The following PNN variants were observed in gnomAD, a reference collection of about 807,000 sequenced individuals.
The protein encoded by PNN is pinin.
In PNN, 38 loss-of-function variants were observed where a neutral mutation model predicts 76.6. That is an observed-to-expected ratio of 0.50 (90% CI 0.38 to 0.65). The LOEUF (loss-of-function observed/expected upper bound fraction) is 0.65, where lower values mean the gene tolerates loss of function less well. Among genes scored for constraint, PNN ranks in the 30% least tolerant of loss-of-function variants. PNN has a pLI of 0.00. For synonymous variants in PNN, 366 were observed against 283.7 expected (o/e 1.29, Z -2.91); for missense variants, 873 against 874.1 (o/e 1.00, Z 0.02).
At position 39,182,053 on chromosome 14, in the gene PNN, T is replaced by C; in HGVS notation, c.*190T>C. The C allele has an allele frequency of 5.9e-6, 3 of 509,032 alleles. No individual in the cohort carries two copies. Among genetic ancestry groups the C allele is most frequent in the African/African-American group, 1.9e-5 (1 of 51,454 alleles). The allele number at this position is 509,032 out of a possible 1,614,324, so 31.5% of individuals were successfully genotyped here. Reference sequence around the variant, plus strand: ...TGCATAATTTTGTAAGAGTTATTTATCAAAATTATGTGAGGTTCCAAAATA... The same window carrying C: ...TGCATAATTTTGTAAGAGTTATTTACCAAAATTATGTGAGGTTCCAAAATA... On this transcript the variant is annotated 3_prime_UTR_variant, in exon 9 of 9. Transcript: ENST00000216832.
chr14:39,178,388 G>A (rs970631578), intron 6 of PNN, among the ~76,000 whole-genome samples: 1 of 151,892 alleles, frequency 6.6e-6, no homozygotes, highest in African/African-American at 2.4e-5. Flanking sequence ...AAAATTAGCC[G>A]CCTGTGGTGG....
At chr14:39,180,204 T>C (rs2139403416) in intron 8 of PNN, among the ~76,000 whole-genome samples, 1 of 152,338 alleles carries the variant, frequency 6.6e-6, no homozygotes, top group East Asian at 1.9e-4. Flanking sequence ...ATGCCAAAAC[T>C]GGTTCTGTTT....
chr14:39,175,532 T>A (rs2053213362), intron 1 of PNN, 140 bp downstream of exon 1: 3 of 668,304 alleles, frequency 4.5e-6, no homozygotes, highest in African/African-American at 1.8e-5. Context: ...GGTAAAACCC[T>A]GTTGTCGCCG....
In PNN at chr14:39,181,205, C is replaced by T; in HGVS notation, c.1496C>T (p.Pro499Leu). ...QSQPVLQSQP[P>L]SQPEDLSLAV... ...CAACCAGTACTCCAGTCCCAGCCTC[C>T]CTCTCAGCCTGAGGATTTGTCATTA... Residue 499 changes from proline (P) to leucine (L), a missense_variant, in exon 9 of 9, where the codon CCC (proline) becomes CTC (leucine). Pro to Leu is a moderately conservative substitution (Grantham distance 98). Around this residue, in one of 3 missense-constraint regions of PNN, gnomAD observed 712 missense variants for 693.1 expected, o/e 1.03. Transcript: ENST00000216832. The T allele has an allele frequency of 1.2e-6, 2 of 1,613,408 alleles. No homozygotes were observed. The highest frequency in any genetic ancestry group is 1.7e-6 in the Non-Finnish European group (2 of 1,179,322).
chr14:39,181,688 T>G lies in PNN; in HGVS notation c.1979T>G (p.Leu660Arg). The G allele has an allele frequency of 6.2e-7, 1 of 1,613,936 alleles. No homozygotes were observed. Among genetic ancestry groups the G allele is most frequent in the South Asian group, 1.1e-5 (1 of 91,072 alleles). ...CGGAAGAGAAGGGATACTTCAGGAC[T>G]AGAAAGAAGTCACAAATCTTCAAAA... ...VDRKRRDTSG[L>R]ERSHKSSKGG... The change falls in exon 9 of 9, where the codon CTA (leucine) becomes CGA (arginine). Residue 660 changes from leucine to arginine, a missense_variant. Physicochemically the swap from Leu to Arg is moderately radical, Grantham distance 102. This residue lies in a region of PNN where 712 missense variants were observed against 693.1 expected (regional missense o/e 1.03). Transcript: ENST00000216832.
chr14:39,181,511 G>A lies in PNN; in HGVS notation c.1802G>A (p.Ser601Asn). ...GGAAGTAGTTCCAGCAGTGGAAGTA[G>A]TAGCAGTCGCAGTAGTTCCAGTAGC... ...SSGSSSSSGSSSSRSSSSSSS... is the reference protein window; with the variant it reads ...SSGSSSSSGSNSSRSSSSSSS... Residue 601 changes from serine (S) to asparagine (N), a missense_variant, in exon 9 of 9, where the codon AGT becomes AAT. Ser to Asn is a conservative substitution (Grantham distance 46, BLOSUM62 1). This residue lies in a region of PNN where 712 missense variants were observed against 693.1 expected (regional missense o/e 1.03). Coordinates refer to ENST00000216832, the MANE Select transcript of PNN (RefSeq NM_002687.4). 6.2e-7 allele frequency: 1 copy of A among 1,600,176 alleles called. No homozygotes were observed. The highest frequency in any genetic ancestry group is 8.5e-7 in the Non-Finnish European group (1 of 1,173,362).
At chr14:39,177,540 A>G (rs749261425) in intron 4 of PNN, 53 bp from the exon 5 acceptor site, 4 of 1,591,312 alleles carry the variant, frequency 2.5e-6, no homozygotes, top group Non-Finnish European at 3.5e-6. Context: ...ACTACATTTA[A>G]AAGCACACCA....
Position 39,183,193 on chromosome 14 carries a change from G to A in PNN, c.*1330G>A, listed in dbSNP as rs1030286036. On this transcript the variant is annotated 3_prime_UTR_variant, in exon 9 of 9. Transcript: ENST00000216832. ...TCTCTTTTTAAAAATCCTTTTATTG[G>A]AGTAATTATTAAAACAGTAAATGCA... is the stretch of plus-strand genomic sequence containing the variant. 1 of 152,140 alleles carries A rather than the reference G, an allele frequency of 6.6e-6. No individual in the cohort carries two copies. Among genetic ancestry groups the A allele is most frequent in the African/African-American group, 2.4e-5 (1 of 41,414 alleles). The allele number at this position is 152,140 out of a possible 1,614,324, so 9.4% of individuals were successfully genotyped here.
chr14:39,179,431 A>G lies in PNN; in HGVS notation c.762A>G (p.Lys254=). The G allele has an allele frequency of 1.2e-6, 2 of 1,613,164 alleles. No individual in the cohort carries two copies. Among genetic ancestry groups the G allele is most frequent in the Non-Finnish European group, 8.5e-7 (1 of 1,179,492 alleles). Residue 254 remains lysine, a synonymous_variant, in exon 8 of 9, where the codon AAA becomes AAG. Transcript: ENST00000216832. ...IPGRMCPATQ[K]LIEESQRKMN... Reference sequence around the variant, plus strand: ...GAAGAATGTGTCCAGCTACCCAAAAACTAATAGAAGAGTCACAGAGAAAAA... The same window carrying G: ...GAAGAATGTGTCCAGCTACCCAAAAGCTAATAGAAGAGTCACAGAGAAAAA...
At chr14:39,178,016 C>G (rs1566557835) in intron 6 of PNN, 100 bp downstream of exon 6, 6 of 791,598 alleles carry the variant, frequency 7.6e-6, no homozygotes, top group South Asian at 3.2e-5. Flanking sequence ...TAAGACCTAA[C>G]TGTAAACCTG....
Position 39,177,418 on chromosome 14 carries a change from C to T in PNN, c.261C>T (p.Gly87=), listed in dbSNP as rs757822932. 6 of 1,611,704 alleles carry T rather than the reference C, an allele frequency of 3.7e-6. No homozygotes were observed. Among genetic ancestry groups the T allele is most frequent in the South Asian group, 2.2e-5 (2 of 90,966 alleles). Residue 87 remains glycine (G), a synonymous_variant, in exon 4 of 9, where the codon GGC becomes GGT. Transcript: ENST00000216832. ...RDLEGAVSRL[G]GERRTRRESR... is the part of the protein sequence containing the mutation. ...TTAATATTTTCTATGACAGGCTGGG[C>T]GGGGAGCGTCGGACCAGAAGAGAAT...
At chr14:39,175,729 G>T (rs1367843871) in intron 1 of PNN, 3 of 463,630 alleles carry the variant, frequency 6.5e-6, no homozygotes, top group Non-Finnish European at 1.1e-5. Context: ...GCGGACACCC[G>T]GCCCGTTGCT....
intron 6 of PNN, among the ~76,000 whole-genome samples, chr14:39,178,249 C>T (rs1329667654): frequency 6.6e-6 from 1 of 152,170 alleles, no homozygotes; most frequent in East Asian, 1.9e-4. Context: ...TGTGAAGCGG[C>T]CAGGTGCAGT....
At chr14:39,178,268 C>T (rs937705339) in intron 6 of PNN, among the ~76,000 whole-genome samples, 2 of 152,204 alleles carry the variant, frequency 1.3e-5, no homozygotes, top group African/African-American at 4.8e-5. Context: ...GTGGCTCATG[C>T]CTGTAATCCC....
In PNN at chr14:39,179,461, C is replaced by T. The variant is rs760491671; in HGVS notation, c.792C>T (p.Asn264=). 48 of 1,610,414 alleles carry T rather than the reference C, an allele frequency of 3.0e-5. No individual in the cohort carries two copies. The highest frequency in any genetic ancestry group is 9.9e-5 in the South Asian group (9 of 90,772). Reference sequence around the variant, plus strand: ...TAGAAGAGTCACAGAGAAAAATGAACGGTAAGTATGCGAAGAGGTCCATTG... The same window carrying T: ...TAGAAGAGTCACAGAGAAAAATGAATGGTAAGTATGCGAAGAGGTCCATTG... ...KLIEESQRKM[N]ALFEGRRIEF... Residue 264 remains asparagine (N), a splice_region_variant and synonymous_variant, in exon 8 of 9, where the codon AAC becomes AAT. Transcript: ENST00000216832.
At position 39,177,628 on chromosome 14, in the gene PNN, A is replaced by G. The variant is rs1377906355; in HGVS notation, c.363A>G (p.Lys121=). The change falls in exon 5 of 9, where the codon AAA becomes AAG. Residue 121 remains lysine, a synonymous_variant. Coordinates refer to ENST00000216832, the MANE Select transcript of PNN (RefSeq NM_002687.4). ...ALQSSVVATS[K]ERTRRDLIQD... is the part of the protein sequence containing the mutation. ...AGTCTTCAGTTGTAGCTACCTCCAA[A>G]GAGCGCACACGTAGAGACCTTATCC... 1 of 1,614,086 alleles carries G rather than the reference A, an allele frequency of 6.2e-7. No individual in the cohort carries two copies. Among genetic ancestry groups the G allele is most frequent in the East Asian group, 2.2e-5 (1 of 44,886 alleles).
Position 39,180,817 on chromosome 14 carries a change from A to G in PNN, c.1108A>G (p.Thr370Ala), listed in dbSNP as rs1380761164. 2 of 1,613,844 alleles carry G rather than the reference A, an allele frequency of 1.2e-6. No homozygotes were observed. Among genetic ancestry groups the G allele is most frequent in the East Asian group, 2.2e-5 (1 of 44,866 alleles). ...QEMEVKMEEE[T>A]EVRESEKQQD... ...AATGGAGGTTAAGATGGAGGAGGAAACTGAGGTAAGGGAAAGTGAGAAGCA... is the reference window on the plus strand; with the variant it reads ...AATGGAGGTTAAGATGGAGGAGGAAGCTGAGGTAAGGGAAAGTGAGAAGCA... The change falls in exon 9 of 9, where the codon ACT becomes GCT. Residue 370 changes from threonine to alanine, a missense_variant. By Grantham distance (58) the Thr-to-Ala change is moderately conservative (BLOSUM62 0). Around this residue, in one of 3 missense-constraint regions of PNN, gnomAD observed 712 missense variants for 693.1 expected, o/e 1.03. Transcript: ENST00000216832.
chr14:39,176,838 T>G (rs1473065817), intron 3 of PNN, among the ~76,000 whole-genome samples: 2 of 152,182 alleles, frequency 1.3e-5, no homozygotes, highest in Non-Finnish European at 2.9e-5. Context: ...AGAGTAAAAT[T>G]GGAAAAATTG....
chr14:39,176,603 TA>T lies in PNN; in HGVS notation c.254+15del, dbSNP rs747079048. On this transcript the variant is annotated intron_variant, in intron 3 of 8. Coordinates refer to ENST00000216832, the MANE Select transcript of PNN (RefSeq NM_002687.4). ...TGAAGGGGCAGTCAGTAGGTAGGTT[TA>T]AAAAAAGATTCCTGAAGGCTTCTTT... The T allele has an allele frequency of 5.4e-5, 84 of 1,558,582 alleles. 1 individual carries two copies. In the South Asian group the frequency reaches 5.4e-4, roughly 10 times the overall value.
Sources: allele counts gnomAD v4.1 joint callset (sites outside exome capture counted in the v4.1 genomes callset), GRCh38; gene constraint gnomAD v4.1.1; regional missense constraint gnomAD v4.1.1; transcripts MANE v1.5; gene names NCBI Gene and HGNC (gene_info 2026-07-23, HGNC 2026-07-21).